The following INPP4B variants were observed in gnomAD, a reference collection of about 807,000 sequenced individuals.
INPP4B encodes the protein inositol polyphosphate-4-phosphatase type II B.
Under a neutral mutation model 122.5 loss-of-function variants are expected in INPP4B, and 55 were observed. The ratio of observed to expected loss-of-function variants is 0.45; its 90% CI spans 0.36 to 0.56. The LOEUF (loss-of-function observed/expected upper bound fraction) is 0.56. Ranked by LOEUF, INPP4B falls within the 20% of genes least tolerant of loss-of-function variation. The pLI, the probability that INPP4B is intolerant of heterozygous loss-of-function variation, is 0.00. For synonymous variants in INPP4B, 403 were observed against 388.7 expected (o/e 1.04, Z -0.43); for missense variants, 1,000 against 1,097.7 (o/e 0.91, Z 1.26).
At chr4:142,757,596 C>T (rs940996526) in intron 1 of INPP4B, among the ~76,000 whole-genome samples, 2 of 152,128 alleles carry the variant, frequency 1.3e-5, no homozygotes, top group African/African-American at 4.8e-5. Flanking sequence ...TCCTCCGTGT[C>T]TTTTTCTAAC....
intron 2 of INPP4B, among the ~76,000 whole-genome samples, chr4:142,544,336 T>C (rs1478605724): frequency 6.6e-6 from 1 of 151,898 alleles, no homozygotes; most frequent in Non-Finnish European, 1.5e-5. Context: ...TGGAAACCCA[T>C]GAGAGAAAGC....
chr4:142,464,744 C>T (rs1421359792), intron 2 of INPP4B, among the ~76,000 whole-genome samples: 2 of 152,050 alleles, frequency 1.3e-5, no homozygotes, highest in Non-Finnish European at 2.9e-5. Flanking sequence ...CATATGTGTG[C>T]TATATCAAAC....
rs1336686526 is a variant in INPP4B, at chr4:142,244,840, T to C, written c.689-6829A>G. Among the ~76,000 whole-genome samples the C allele has an allele frequency of 2.6e-5, 4 of 152,292 alleles. No individual in the cohort carries two copies. In the East Asian group the frequency reaches 7.7e-4, roughly 29 times the overall value. On this transcript the variant is annotated intron_variant, in intron 11 of 25. Transcript: ENST00000262992. ...AAATGGTTGAACTAACTTACACTCC[T>C]ACCAACAGTGTAAAAGCGTTCCTAT...
chr4:142,615,592 T>A (rs946467869), intron 2 of INPP4B, among the ~76,000 whole-genome samples: 1 of 152,050 alleles, frequency 6.6e-6, no homozygotes, highest in Non-Finnish European at 1.5e-5. Context: ...TCACGAAGAG[T>A]CCACCTAGTT....
intron 23 of INPP4B, among the ~76,000 whole-genome samples, chr4:142,103,818 TAC>T (rs965967126): frequency 3.3e-5 from 5 of 151,352 alleles, no homozygotes; most frequent in African/African-American, 1.2e-4. Flanking sequence ...CACACACACA[TAC>T]ACACACACAG....
intron 2 of INPP4B, among the ~76,000 whole-genome samples, chr4:142,624,573 C>T (rs552657830): frequency 1.2e-3 from 176 of 151,802 alleles, no homozygotes; most frequent in Non-Finnish European, 2.0e-3. Flanking sequence ...TTGTACCATT[C>T]CTTCTGAAAC....
At chr4:142,719,054 T>C (rs1764174419) in intron 2 of INPP4B, among the ~76,000 whole-genome samples, 1 of 152,194 alleles carries the variant, frequency 6.6e-6, no homozygotes, top group African/African-American at 2.4e-5. Context: ...TTTATAATTA[T>C]CTTTACATCT....
chr4:142,202,133 G>A (rs1311783741), intron 14 of INPP4B, among the ~76,000 whole-genome samples: 9 of 152,074 alleles, frequency 5.9e-5, no homozygotes, highest in East Asian at 3.9e-4. Context: ...AAAAGTAATA[G>A]ATAAGTAGAA....
At chr4:142,279,693 A>G (rs759479934) in intron 9 of INPP4B, among the ~76,000 whole-genome samples, 38 of 151,926 alleles carry the variant, frequency 2.5e-4, no homozygotes, top group Non-Finnish European at 4.9e-4. Flanking sequence ...AGGTTCTTAG[A>G]GTTCTTTAGT....
intron 1 of INPP4B, among the ~76,000 whole-genome samples, chr4:142,825,635 T>C (rs193073959): frequency 6.6e-6 from 1 of 152,278 alleles, no homozygotes; most frequent in Non-Finnish European, 1.5e-5. Context: ...CAAGTGCTTT[T>C]GTGCATAGCA....
At chr4:142,434,167 C>A (rs1809929198) in intron 3 of INPP4B, among the ~76,000 whole-genome samples, 1 of 152,112 alleles carries the variant, frequency 6.6e-6, no homozygotes, top group Non-Finnish European at 1.5e-5. Flanking sequence ...TGTGCTAAAT[C>A]CTTTACCTCT....
intron 2 of INPP4B, among the ~76,000 whole-genome samples, chr4:142,501,965 C>T (rs1053092966): frequency 6.6e-6 from 1 of 152,154 alleles, no homozygotes; most frequent in Non-Finnish European, 1.5e-5. Flanking sequence ...GGAAAATCTC[C>T]ACTTCCTTCA....
At chr4:142,251,787 G>C (rs1732212184) in intron 11 of INPP4B, among the ~76,000 whole-genome samples, 1 of 152,078 alleles carries the variant, frequency 6.6e-6, no homozygotes, top group Admixed American at 6.6e-5. Context: ...CCCTATTGTT[G>C]GCTGCCTCTT....
chr4:142,446,415 A>G (rs1812923054), intron 3 of INPP4B, among the ~76,000 whole-genome samples: 1 of 152,140 alleles, frequency 6.6e-6, no homozygotes, highest in Non-Finnish European at 1.5e-5. Flanking sequence ...ATTGATGAAG[A>G]TTTAGAGTAA....
chr4:142,122,485 C>T (rs1346623705), intron 20 of INPP4B, among the ~76,000 whole-genome samples: 1 of 150,934 alleles, frequency 6.6e-6, no homozygotes, highest in Admixed American at 6.6e-5. Flanking sequence ...TGGACATTTG[C>T]TGTGAGGCTG....
chr4:142,693,140 C>T (rs2150730591), intron 2 of INPP4B, among the ~76,000 whole-genome samples: 1 of 152,132 alleles, frequency 6.6e-6, no homozygotes, highest in Admixed American at 6.5e-5. Flanking sequence ...ATTCTGTTCC[C>T]TTTTGTATTG....
chr4:142,291,539 G>T (rs1756480760), intron 9 of INPP4B, among the ~76,000 whole-genome samples: 1 of 152,170 alleles, frequency 6.6e-6, no homozygotes, highest in African/African-American at 2.4e-5. Flanking sequence ...CTCTTTCCTA[G>T]AATGGGTATT....
chr4:142,806,095 C>T (rs781422794), intron 1 of INPP4B, among the ~76,000 whole-genome samples: 10 of 151,784 alleles, frequency 6.6e-5, no homozygotes, highest in Non-Finnish European at 1.2e-4. Context: ...CTGTCTAACA[C>T]GGTGAAACCC....
intron 2 of INPP4B, among the ~76,000 whole-genome samples, chr4:142,538,241 C>G (rs1323926738): frequency 5.3e-5 from 8 of 152,064 alleles, no homozygotes; most frequent in Admixed American, 1.3e-4. Context: ...ACACTGATTG[C>G]TAAATTGGTT....
Sources: gnomAD v4.1 joint callset for allele counts (sites outside exome capture counted in the v4.1 genomes callset) on GRCh38, gnomAD v4.1.1 for gene constraint, MANE v1.5 for transcripts, NCBI Gene and HGNC (gene_info 2026-07-23, HGNC 2026-07-21) for gene names.